Variants in CNBD1 observed in about 807,000 individuals in gnomAD.
CNBD1 encodes the protein cyclic nucleotide binding domain containing 1.
CNBD1 carries 71 observed loss-of-function variants against 54.4 expected under a neutral mutation model. The ratio of observed to expected loss-of-function variants is 1.30; its 90% CI spans 1.08 to 1.59. The LOEUF (loss-of-function observed/expected upper bound fraction) is 1.59, where lower values mean the gene tolerates loss of function less well. CNBD1 is among the 40% of genes most tolerant of loss of function. The probability of loss-of-function intolerance (pLI) is 0.00; values close to 1 mark genes in which losing one functional copy is unlikely to be tolerated. For missense variants in CNBD1, 659 were observed against 518.0 expected (o/e 1.27, Z -2.64); for synonymous variants, 182 against 170.7 (o/e 1.07, Z -0.51).
chr8:86,913,435 G>A (rs1267388153), intron 3 of CNBD1, among the ~76,000 whole-genome samples: 3 of 152,158 alleles, frequency 2.0e-5, no homozygotes, highest in South Asian at 4.2e-4. Flanking sequence ...ATTTCACATA[G>A]GTTATTTTCT....
intron 8 of CNBD1, among the ~76,000 whole-genome samples, chr8:87,332,814 C>T (rs888307753): frequency 1.3e-5 from 2 of 152,072 alleles, no homozygotes; most frequent in South Asian, 2.1e-4. Flanking sequence ...GGTGATGCCT[C>T]CAGCTTTGTT....
chr8:87,342,148 C>T (rs1358469622), intron 8 of CNBD1, among the ~76,000 whole-genome samples: 2 of 152,090 alleles, frequency 1.3e-5, no homozygotes, highest in Non-Finnish European at 2.9e-5. Flanking sequence ...TGGCAGGCAT[C>T]TGTAGTCCCA....
intron 4 of CNBD1, among the ~76,000 whole-genome samples, chr8:87,073,359 A>T (rs2130654711): frequency 6.6e-6 from 1 of 152,200 alleles, no homozygotes; most frequent in Admixed American, 6.5e-5. Context: ...GAGGTATTGT[A>T]GTCATCTGGA....
chr8:87,186,970 A>G (rs1813491233), intron 4 of CNBD1, among the ~76,000 whole-genome samples: 1 of 152,124 alleles, frequency 6.6e-6, no homozygotes, highest in African/African-American at 2.4e-5. Flanking sequence ...TGGATTAATT[A>G]TCATTGATTT....
At chr8:86,971,999 C>T (rs1342037701) in intron 4 of CNBD1, among the ~76,000 whole-genome samples, 1 of 151,848 alleles carries the variant, frequency 6.6e-6, no homozygotes, top group Non-Finnish European at 1.5e-5. Context: ...GTTGCCCAGG[C>T]TGGAGTGCAG....
At chr8:86,887,492 T>C in intron 1 of CNBD1, 50 bp from the exon 2 acceptor site, 1 of 1,179,142 alleles carries the variant, frequency 8.5e-7, no homozygotes, top group Non-Finnish European at 1.2e-6. Flanking sequence ...ACACACTTGC[T>C]TAATAAGATT....
chr8:87,084,472 G>A (rs1020011870), intron 4 of CNBD1, among the ~76,000 whole-genome samples: 2 of 151,992 alleles, frequency 1.3e-5, no homozygotes, highest in East Asian at 3.9e-4. Flanking sequence ...TGGATGAACA[G>A]GTTTTTTTTT....
At chr8:87,066,336 GTTACAC>G (rs1810653391) in intron 4 of CNBD1, among the ~76,000 whole-genome samples, 1 of 140,830 alleles carries the variant, frequency 7.1e-6, no homozygotes, top group Non-Finnish European at 1.6e-5. Flanking sequence ...ATGTTACATA[GTTACAC>G]TACCCCAGTC....
chr8:87,091,072 A>C (rs143947780), intron 4 of CNBD1, among the ~76,000 whole-genome samples: 397 of 147,756 alleles, frequency 2.7e-3, no homozygotes, highest in African/African-American at 9.6e-3. Flanking sequence ...CTCAGGAGGT[A>C]GAGGTTGCAG....
intron 4 of CNBD1, among the ~76,000 whole-genome samples, chr8:87,175,758 C>G (rs944830092): frequency 2.0e-5 from 3 of 152,206 alleles, no homozygotes; most frequent in African/African-American, 4.8e-5. Flanking sequence ...TGCCTGCCCC[C>G]CAAGCTCGCT....
chr8:87,216,915 G>T (rs1375142092), intron 5 of CNBD1, among the ~76,000 whole-genome samples: 4 of 152,074 alleles, frequency 2.6e-5, no homozygotes, highest in Admixed American at 2.6e-4. Flanking sequence ...TGAAATACTG[G>T]CTTATAGAAA....
chr8:86,951,096 C>A (rs1477996604), intron 4 of CNBD1, among the ~76,000 whole-genome samples: 1 of 152,050 alleles, frequency 6.6e-6, no homozygotes, highest in Non-Finnish European at 1.5e-5. Context: ...AATAACTTTA[C>A]AGTAAATTCT....
intron 6 of CNBD1, among the ~76,000 whole-genome samples, chr8:87,279,389 G>T (rs958894774): frequency 6.6e-6 from 1 of 151,242 alleles, no homozygotes; most frequent in Non-Finnish European, 1.5e-5. Flanking sequence ...ATATTAAGAT[G>T]GCAGATTTAA....
At chr8:87,401,372 A>G (rs780202260) in intron 2 of CNBD1, among the ~76,000 whole-genome samples, 2 of 151,956 alleles carry the variant, frequency 1.3e-5, no homozygotes, top group Non-Finnish European at 2.9e-5. Flanking sequence ...CCCCTCCCAT[A>G]TATGGCCACA....
At chr8:87,256,094 C>A (rs1401535221) in intron 6 of CNBD1, among the ~76,000 whole-genome samples, 1 of 133,852 alleles carries the variant, frequency 7.5e-6, no homozygotes, top group African/African-American at 2.9e-5. Context: ...ATGATCTCAG[C>A]TCACTGCAAC....
At chr8:87,012,519 A>G (rs1018064564) in intron 4 of CNBD1, among the ~76,000 whole-genome samples, 1 of 152,176 alleles carries the variant, frequency 6.6e-6, no homozygotes, top group Admixed American at 6.5e-5. Flanking sequence ...AAGAATCCAC[A>G]TTCTATAGAG....
chr8:86,907,536 T>C (rs988393173), intron 3 of CNBD1, among the ~76,000 whole-genome samples: 1 of 151,798 alleles, frequency 6.6e-6, no homozygotes, highest in Non-Finnish European at 1.5e-5. Flanking sequence ...GGCATGGTGG[T>C]GGGCACCTGT....
intron 8 of CNBD1, among the ~76,000 whole-genome samples, chr8:87,317,534 G>A (rs1049354515): frequency 6.6e-6 from 1 of 151,438 alleles, no homozygotes; most frequent in African/African-American, 2.4e-5. Context: ...ATTATTAATT[G>A]TGTAATTATT....
At chr8:86,929,114 A>G (rs192667172) in intron 3 of CNBD1, among the ~76,000 whole-genome samples, 380 of 152,248 alleles carry the variant, frequency 2.5e-3, no homozygotes, top group Middle Eastern at 0.017. Context: ...CGTCTGCCCA[A>G]TGGTTTTCTT....
Sources: gnomAD v4.1 joint callset for allele counts (sites outside exome capture counted in the v4.1 genomes callset) on GRCh38, gnomAD v4.1.1 for gene constraint, MANE v1.5 for transcripts, NCBI Gene and HGNC (gene_info 2026-07-23, HGNC 2026-07-21) for gene names.